RUVBL1: variants seen among roughly 807,000 people sequenced by gnomAD.
The protein encoded by RUVBL1 is RuvB like AAA ATPase 1.
Under a neutral mutation model 52.4 loss-of-function variants are expected in RUVBL1, and 4 were observed. The ratio of observed to expected loss-of-function variants is 0.08; its 90% CI spans 0.04 to 0.17. The LOEUF is 0.17. RUVBL1 is among the 10% of genes least tolerant of loss of function. The pLI, the probability that RUVBL1 is intolerant of heterozygous loss-of-function variation, is 1.00. For synonymous variants in RUVBL1, 217 were observed against 214.4 expected (o/e 1.01, Z -0.10); for missense variants, 298 against 572.8 (o/e 0.52, Z 4.90).
At chr3:128,069,728 G>A (rs762338678) in intron 9 of RUVBL1, 447 of 1,373,686 alleles carry the variant, frequency 3.3e-4, no homozygotes, top group Non-Finnish European at 4.4e-4. Context: ...CTCTCATCAT[G>A]GCGCGTGCTG....
At chr3:128,123,482 A>T (rs951816220) in intron 1 of RUVBL1, 102 bp downstream of exon 1, 7 of 1,247,904 alleles carry the variant, frequency 5.6e-6, no homozygotes. Flanking sequence ...ATGGCGGGAG[A>T]CCCCTGGCGC....
rs1576495564 is a variant in RUVBL1, at chr3:128,150,875, T to C, written c.-40+2328A>G. On this transcript the variant is annotated intron_variant, in intron 1 of 9. Coordinates refer to the RUVBL1 transcript ENST00000464873. Reference sequence around the variant, plus strand: ...CTATATATTATATATTATATATATATATTCTATATATATATTCTATATATA... The same window carrying C: ...CTATATATTATATATTATATATATACATTCTATATATATATTCTATATATA... Among the ~76,000 whole-genome samples the C allele has an allele frequency of 1.9e-4, 13 of 67,768 alleles. No individual in the cohort carries two copies. In the South Asian group the frequency reaches 5.8e-3, roughly 30 times the overall value. The allele number at this position is 67,768 out of a possible 152,430, so 44.5% of individuals were successfully genotyped here. A position where few individuals can be genotyped will look rare whatever the true frequency, so the allele number is the denominator to read the frequency against.
intron 2 of RUVBL1, among the ~76,000 whole-genome samples, 176 bp downstream of exon 2, chr3:128,119,150 ATT>A (rs1364135760): frequency 3.9e-5 from 6 of 152,212 alleles, no homozygotes; most frequent in Non-Finnish European, 7.4e-5. Flanking sequence ...GGCCAGGATA[ATT>A]TGAATTTTAG....
At chr3:128,148,424 T>C (rs1050501763) in intron 1 of RUVBL1, among the ~76,000 whole-genome samples, 1 of 152,158 alleles carries the variant, frequency 6.6e-6, no homozygotes, top group East Asian at 1.9e-4. Context: ...AGGATGCAGT[T>C]CTCATTCACT....
chr3:128,123,799 A>C lies in RUVBL1; in HGVS notation c.-75T>G, dbSNP rs916781178. The C allele has an allele frequency of 3.4e-6, 5 of 1,490,454 alleles. No homozygotes were observed. In the Admixed American group the frequency reaches 9.8e-5, roughly 29 times the overall value. The allele number at this position is 1,490,454 out of a possible 1,614,324, so 92.3% of individuals were successfully genotyped here. The stretch of plus-strand genomic sequence containing the variant: ...CAGTGCGCCCGGCGCCTGAGTTACC[A>C]TGCGGCCGTTACTAGGGCAATTTGC... On this transcript the variant is annotated 5_prime_UTR_variant, in exon 1 of 11. An upstream start codon of the reference 5' UTR is lost. Transcript: ENST00000322623.
At chr3:128,106,547 G>A (rs917213649) in intron 3 of RUVBL1, among the ~76,000 whole-genome samples, 3 of 151,996 alleles carry the variant, frequency 2.0e-5, no homozygotes, top group African/African-American at 2.4e-5. Context: ...GCAGCCCACG[G>A]CAATGCCATA....
In RUVBL1 at chr3:128,087,730, C is replaced by T; in HGVS notation, c.1095G>A (p.Leu365=). The T allele has an allele frequency of 2.5e-6, 4 of 1,613,748 alleles. No individual in the cohort carries two copies. The highest frequency in any genetic ancestry group is 1.7e-4 in the Middle Eastern group (1 of 6,038). The change falls in exon 9 of 11, where the codon CTG becomes CTA. Residue 365 remains leucine (L), a synonymous_variant. Transcript: ENST00000322623. ...CCTGTTTCATTTCCTGTGGAGTATACAGCATGGTCCGGATTATCATCACTC... is the reference window on the plus strand; with the variant it reads ...CCTGTTTCATTTCCTGTGGAGTATATAGCATGGTCCGGATTATCATCACTC... ...LDRVMIIRTM[L]YTPQEMKQII...
At chr3:128,123,324 G>A (rs548587678) in intron 1 of RUVBL1, among the ~76,000 whole-genome samples, 5 of 152,316 alleles carry the variant, frequency 3.3e-5, no homozygotes, top group African/African-American at 1.2e-4. Flanking sequence ...GGTTGTGTGG[G>A]TTTATATCAG....
Position 128,066,189 on chromosome 3 carries a change from A to G in RUVBL1, c.940-969T>C, listed in dbSNP as rs184968893. On this transcript the variant is annotated intron_variant, in intron 9 of 9. Coordinates refer to the RUVBL1 transcript ENST00000464873. ...GTTTAGCTTTTCTGTTTATGATTAA[A>G]AACACTGTAAGGAACTATTATAAGG... Among the ~76,000 whole-genome samples the G allele has an allele frequency of 4.6e-5, 7 of 152,258 alleles. No individual in the cohort carries two copies. The East Asian group carries it at 1.4e-3, about 29-fold the overall frequency.
intron 9 of RUVBL1, chr3:128,066,744 G>A: frequency 1.7e-6 from 1 of 579,092 alleles, no homozygotes; most frequent in African/African-American, 1.9e-5. Flanking sequence ...TTTTAAACCA[G>A]CTTTTCTGGG....
rs150036634 is a variant in RUVBL1, at chr3:128,105,822, T to A, written c.362-898A>T. Among the ~76,000 whole-genome samples the A allele has an allele frequency of 9.3e-4, 142 of 152,098 alleles. 1 individual carries two copies. The East Asian group carries it at 9.7e-3, about 10-fold the overall frequency. The stretch of plus-strand genomic sequence containing the variant: ...CCCAGTTGTCATGCATTATTTGCAA[T>A]GTGTTGCTCTACAATTTTCTTTCTT... On this transcript the variant is annotated intron_variant, in intron 3 of 10. Transcript: ENST00000322623.
At chr3:128,110,041 T>C (rs1943345394) in intron 3 of RUVBL1, among the ~76,000 whole-genome samples, 1 of 152,060 alleles carries the variant, frequency 6.6e-6, no homozygotes, top group Non-Finnish European at 1.5e-5. Flanking sequence ...GGTCTCGAAC[T>C]CCTGACCTCA....
At chr3:128,085,183 G>C (rs1942607892) in intron 9 of RUVBL1, 1 of 152,290 alleles carries the variant, frequency 6.6e-6, no homozygotes, top group South Asian at 2.1e-4. Flanking sequence ...CAATGGGAAG[G>C]ATGGGAGGGC....
chr3:128,100,256 G>C (rs1024584566), intron 6 of RUVBL1, among the ~76,000 whole-genome samples: 1 of 152,124 alleles, frequency 6.6e-6, no homozygotes, highest in African/African-American at 2.4e-5. Flanking sequence ...TCCTGTAAAG[G>C]GCTCATAGAA....
At chr3:128,108,062 A>C (rs1042126658) in intron 3 of RUVBL1, among the ~76,000 whole-genome samples, 1 of 152,220 alleles carries the variant, frequency 6.6e-6, no homozygotes, top group Admixed American at 6.5e-5. Flanking sequence ...AGCTGGCGCT[A>C]TCTCTGGCAA....
intron 2 of RUVBL1, among the ~76,000 whole-genome samples, chr3:128,113,867 A>G (rs1309466319): frequency 1.3e-5 from 2 of 152,216 alleles, no homozygotes; most frequent in Non-Finnish European, 2.9e-5. Context: ...GAAAACACCA[A>G]TCTACAACCC....
chr3:128,079,089 C>T (rs566140278), downstream of RUVBL1: 4 of 152,320 alleles, frequency 2.6e-5, no homozygotes, highest in East Asian at 1.9e-4. Context: ...TCCCCACCCG[C>T]GGCTGTGAGA....
chr3:128,117,996 T>C (rs540996092), intron 2 of RUVBL1, among the ~76,000 whole-genome samples: 3 of 152,342 alleles, frequency 2.0e-5, no homozygotes, highest in Admixed American at 6.5e-5. Flanking sequence ...CTGAATTATA[T>C]AGCCAACATA....
At position 128,101,549 on chromosome 3, in the gene RUVBL1, A is replaced by G; in HGVS notation, c.603+10T>C. On this transcript the variant is annotated intron_variant, in intron 5 of 10. Transcript: ENST00000322623. Reference sequence around the variant, plus strand: ...TCAGGGACAATGCTGTGTCCCAAGGAAGGCATTACCTTCACGGCCCCACTG... The same window carrying G: ...TCAGGGACAATGCTGTGTCCCAAGGGAGGCATTACCTTCACGGCCCCACTG... The G allele has an allele frequency of 6.2e-7, 1 of 1,612,092 alleles. No individual in the cohort carries two copies. The highest frequency in any genetic ancestry group is 2.2e-5 in the East Asian group (1 of 44,862).
Sources: allele counts gnomAD v4.1 joint callset (sites outside exome capture counted in the v4.1 genomes callset), GRCh38; gene constraint gnomAD v4.1.1; transcripts MANE v1.5; gene names NCBI Gene and HGNC (gene_info 2026-07-23, HGNC 2026-07-21).